Variants in PREX1 observed in about 807,000 individuals in gnomAD.
PREX1 encodes the protein phosphatidylinositol 3,4,5-trisphosphate-dependent Rac exchanger 1 protein.
Under a neutral mutation model 198.3 loss-of-function variants are expected in PREX1, and 41 were observed. That is an observed-to-expected ratio of 0.21 (90% confidence interval 0.16 to 0.27). The LOEUF is 0.27. Among genes scored for constraint, PREX1 ranks in the 10% least tolerant of loss-of-function variants. The probability of loss-of-function intolerance (pLI) is 1.00; values close to 1 mark genes in which losing one functional copy is unlikely to be tolerated. For synonymous variants in PREX1, 843 were observed against 887.2 expected, an observed-to-expected ratio of 0.95 and a Z score of 0.89; for missense variants, 1,620 against 2,200.7, an observed-to-expected ratio of 0.74 and a Z score of 5.28.
At chr20:48,678,576 C>G (rs1319181706) in intron 13 of PREX1, among the ~76,000 whole-genome samples, 1 of 152,198 alleles carries the variant, frequency 6.6e-6, no homozygotes, top group East Asian at 1.9e-4. Context: ...ATAATTCCCA[C>G]ATACTGTGGG....
chr20:48,764,766 A>C (rs2090200256), intron 1 of PREX1, among the ~76,000 whole-genome samples: 1 of 147,332 alleles, frequency 6.8e-6, no homozygotes, highest in African/African-American at 2.5e-5. Context: ...TGGGAGACAG[A>C]GCAAGACTCT....
intron 1 of PREX1, among the ~76,000 whole-genome samples, chr20:48,799,216 G>A (rs778631477): frequency 3.9e-5 from 6 of 152,138 alleles, no homozygotes; most frequent in Admixed American, 6.5e-5. Flanking sequence ...AAATATAACA[G>A]CTATCATTTC....
chr20:48,634,057 GGATGAGTGGGATGGATGGATGGATGGA>G (rs2089338168), intron 33 of PREX1, among the ~76,000 whole-genome samples: 3 of 149,234 alleles, frequency 2.0e-5, no homozygotes, highest in Admixed American at 6.7e-5. Flanking sequence ...ATGGATGGAT[GGATGAGTGGGATGGATGGATGGATGGA>G]CGGATGGATG....
intron 1 of PREX1, among the ~76,000 whole-genome samples, chr20:48,817,982 G>A (rs560426960): frequency 1.2e-4 from 18 of 152,132 alleles, no homozygotes; most frequent in Admixed American, 6.5e-4. Flanking sequence ...AAAAAACAAC[G>A]CAAGCAAAGG....
chr20:48,776,418 C>T (rs2090262064), intron 1 of PREX1, among the ~76,000 whole-genome samples: 3 of 152,318 alleles, frequency 2.0e-5, no homozygotes, highest in Non-Finnish European at 4.4e-5. Context: ...CAACCAGATG[C>T]CTGCTTAGCA....
intron 1 of PREX1, among the ~76,000 whole-genome samples, chr20:48,816,639 A>G (rs1161215860): frequency 6.6e-6 from 1 of 152,036 alleles, no homozygotes; most frequent in Non-Finnish European, 1.5e-5. Context: ...CACCCCTAAG[A>G]CTCAAGGCAC....
chr20:48,644,274 G>T, intron 27 of PREX1, 135 bp downstream of exon 27: 1 of 724,962 alleles, frequency 1.4e-6, no homozygotes. Flanking sequence ...TGAATGGAAG[G>T]AAATCAAGTA....
chr20:48,879,813 T>C, the PREX1 span, among the ~76,000 whole-genome samples: 1 of 152,216 alleles, frequency 6.6e-6, no homozygotes, highest in Non-Finnish European at 1.5e-5. Context: ...GTCCTATCTT[T>C]CCCCTTCCTG....
At chr20:48,634,182 G>GGACA (rs1197360924) in intron 33 of PREX1, among the ~76,000 whole-genome samples, 11 of 150,498 alleles carry the variant, frequency 7.3e-5, no homozygotes, top group East Asian at 4.0e-4. Flanking sequence ...ATGCATGGAT[G>GGACA]GATGGATGGA....
At chr20:48,734,768 G>T in intron 3 of PREX1, 118 bp from the exon 4 acceptor site, 2 of 767,442 alleles carry the variant, frequency 2.6e-6, no homozygotes, top group Non-Finnish European at 4.4e-6. Flanking sequence ...CCCAGGAGAA[G>T]CTACAGCAGG....
upstream of PREX1, among the ~76,000 whole-genome samples, chr20:48,831,466 G>A (rs1038194198): frequency 4.6e-5 from 7 of 152,222 alleles, no homozygotes; most frequent in African/African-American, 1.7e-4. Context: ...GGGGTCCTGA[G>A]GCTGCAGCAC....
the PREX1 span, among the ~76,000 whole-genome samples, chr20:48,838,871 CA>C: frequency 1.3e-5 from 2 of 151,346 alleles, no homozygotes; most frequent in Non-Finnish European, 1.5e-5. Flanking sequence ...ACTAAAAATA[CA>C]AAAATTAGCC....
chr20:48,703,630 T>G (rs540510075), intron 6 of PREX1, among the ~76,000 whole-genome samples: 87 of 152,138 alleles, frequency 5.7e-4, no homozygotes, highest in African/African-American at 1.9e-3. Context: ...AAAGGGGAAG[T>G]TGAAGAAGAA....
chr20:48,655,087 C>T (rs1455493017), intron 19 of PREX1, among the ~76,000 whole-genome samples: 1 of 152,202 alleles, frequency 6.6e-6, no homozygotes, highest in African/African-American at 2.4e-5. Flanking sequence ...CACTGTCTTC[C>T]ACTGGGATGG....
chr20:48,722,110 G>A lies in PREX1; in HGVS notation c.621+4180C>T, dbSNP rs192256658. On this transcript the variant is annotated intron_variant, in intron 5 of 39. Transcript: ENST00000371941. ...GGTCCGGGCTGAAGTCATCCAGGTG[G>A]AAACGGAGTTTAAGGCCATGGGAAT... 4.6e-5 allele frequency among the ~76,000 whole-genome samples: 7 copies of A among 152,316 alleles called. No individual in the cohort carries two copies. The East Asian group carries it at 1.3e-3, about 29-fold the overall frequency.
At chr20:48,767,965 A>G (rs1568856901) in intron 1 of PREX1, among the ~76,000 whole-genome samples, 1 of 152,018 alleles carries the variant, frequency 6.6e-6, no homozygotes, top group African/African-American at 2.4e-5. Flanking sequence ...TGTTCTATGC[A>G]TTTTGCTAAT....
chr20:48,737,371 T>C (rs1732427998), intron 3 of PREX1, among the ~76,000 whole-genome samples: 1 of 152,072 alleles, frequency 6.6e-6, no homozygotes, highest in Admixed American at 6.5e-5. Flanking sequence ...GTCTCATTCA[T>C]GCACTGTCCT....
rs942649234 is a variant in PREX1, at chr20:48,665,892, C to G, written c.1738+391G>C. Among the ~76,000 whole-genome samples, 3 of 152,252 alleles carry G rather than the reference C, an allele frequency of 2.0e-5. No individual in the cohort carries two copies. The South Asian group carries it at 6.2e-4, about 32-fold the overall frequency. Reference sequence around the variant, plus strand: ...AGACATCCCAGGAAGGGCTTCCTGCCTCTCACATTCACAACCCACCTGCCC... The same window carrying G: ...AGACATCCCAGGAAGGGCTTCCTGCGTCTCACATTCACAACCCACCTGCCC... On this transcript the variant is annotated intron_variant, in intron 15 of 39. Transcript: ENST00000371941.
chr20:48,848,286 G>A, the PREX1 span, among the ~76,000 whole-genome samples: 15 of 143,936 alleles, frequency 1.0e-4, no homozygotes, highest in Admixed American at 2.1e-4. Context: ...ACAAGCTCTC[G>A]TTCTGTTATC....
Sources: gnomAD v4.1 joint callset for allele counts (sites outside exome capture counted in the v4.1 genomes callset) on GRCh38, gnomAD v4.1.1 for gene constraint, MANE v1.5 for transcripts, NCBI Gene and HGNC (gene_info 2026-07-23, HGNC 2026-07-21) for gene names.